NBAS: variants seen among roughly 807,000 people sequenced by gnomAD.
NBAS encodes NAG/BC035112 fusion.
Under a neutral mutation model 302.5 loss-of-function variants are expected in NBAS, and 219 were observed. The observed-to-expected ratio is 0.72, with a 90% CI of 0.65 to 0.81. NBAS has a LOEUF of 0.81. Ranked by LOEUF, NBAS falls within the 30% of genes least tolerant of loss-of-function variation. The pLI is 0.00. For synonymous variants in NBAS, 1,118 were observed against 1,021.6 expected (o/e 1.09, Z -1.80); for missense variants, 2,932 against 2,841.6 (o/e 1.03, Z -0.72).
chr2:15,182,195 AG>A (rs1664858365), intron 50 of NBAS, among the ~76,000 whole-genome samples: 1 of 152,198 alleles, frequency 6.6e-6, no homozygotes, highest in Non-Finnish European at 1.5e-5. Flanking sequence ...CTCGACCTCC[AG>A]GGCACTAGCC....
chr2:15,167,399 A>G (rs1664080768), intron 51 of NBAS, 76 bp from the exon 52 acceptor site: 1 of 1,552,278 alleles, frequency 6.4e-7, no homozygotes, highest in African/African-American at 1.4e-5. Flanking sequence ...CTCGCTCTCC[A>G]CTGGGCTGCC....
chr2:14,804,774 T>C, the NBAS span, among the ~76,000 whole-genome samples: 7 of 152,170 alleles, frequency 4.6e-5, no homozygotes, highest in Non-Finnish European at 1.0e-4. Flanking sequence ...TTCAGATAGG[T>C]GTATGTAATA....
the NBAS span, among the ~76,000 whole-genome samples, chr2:15,051,870 T>C: frequency 6.6e-6 from 1 of 152,190 alleles, no homozygotes; most frequent in Non-Finnish European, 1.5e-5. Flanking sequence ...GTTCTTTCTC[T>C]AGTCTCAGAA....
chr2:14,947,667 T>G, the NBAS span, among the ~76,000 whole-genome samples: 1 of 152,122 alleles, frequency 6.6e-6, no homozygotes, highest in African/African-American at 2.4e-5. Flanking sequence ...TCCAGTACTA[T>G]GTTGAACACA....
the NBAS span, among the ~76,000 whole-genome samples, chr2:15,122,238 A>C: frequency 6.6e-6 from 1 of 152,084 alleles, no homozygotes; most frequent in African/African-American, 2.4e-5. Context: ...TAGGCTTCAC[A>C]GAAAGGTGCA....
At chr2:15,091,004 C>A in the NBAS span, among the ~76,000 whole-genome samples, 5 of 152,170 alleles carry the variant, frequency 3.3e-5, no homozygotes, top group Non-Finnish European at 7.3e-5. Flanking sequence ...TCAAAACATA[C>A]CCCAAGCCCT....
At chr2:14,826,357 A>G in the NBAS span, among the ~76,000 whole-genome samples, 3 of 152,248 alleles carry the variant, frequency 2.0e-5, no homozygotes, top group African/African-American at 7.2e-5. Context: ...GACTTTTATA[A>G]CAAAATAAAT....
the NBAS span, among the ~76,000 whole-genome samples, chr2:15,011,916 T>C: frequency 1.2e-4 from 18 of 152,126 alleles, no homozygotes; most frequent in African/African-American, 4.3e-4. Flanking sequence ...TCTATATGAA[T>C]GAGTATTTTC....
the NBAS span, among the ~76,000 whole-genome samples, chr2:15,156,213 A>G: frequency 6.6e-6 from 1 of 152,194 alleles, no homozygotes; most frequent in Non-Finnish European, 1.5e-5. Flanking sequence ...TGCTGCAGCC[A>G]GGAATAGTAG....
intron 39 of NBAS, 43 bp downstream of exon 39, chr2:15,309,128 C>T (rs756661992): frequency 6.6e-7 from 1 of 1,506,484 alleles, no homozygotes; most frequent in South Asian, 1.1e-5. Flanking sequence ...ATACATTTTC[C>T]ATTTAGTCAT....
At chr2:15,388,565 CTGTT>C (rs60245233) in intron 28 of NBAS, among the ~76,000 whole-genome samples, 93,577 of 151,428 alleles carry the variant, frequency 0.62, 29,685 homozygotes, top group Middle Eastern at 0.68. Flanking sequence ...TTTTGAAAAA[CTGTT>C]TGGCAGAATC....
At chr2:15,309,383 AC>A (rs1671178048) in intron 38 of NBAS, 136 bp from the exon 39 acceptor site, 1 of 683,380 alleles carries the variant, frequency 1.5e-6, no homozygotes, top group East Asian at 3.1e-5. Context: ...GCTGTTCAGC[AC>A]CATCTAAAAA....
chr2:15,005,566 A>C, the NBAS span, among the ~76,000 whole-genome samples: 1 of 152,220 alleles, frequency 6.6e-6, no homozygotes, highest in Non-Finnish European at 1.5e-5. Context: ...TTCTGACTCA[A>C]GGGCAGAGGG....
At chr2:15,037,586 C>A in the NBAS span, among the ~76,000 whole-genome samples, 1 of 152,122 alleles carries the variant, frequency 6.6e-6, no homozygotes, top group Non-Finnish European at 1.5e-5. Context: ...ATTAAAATCA[C>A]ATTAAATTAA....
At chr2:15,468,113 A>G (rs992627672) in intron 17 of NBAS, among the ~76,000 whole-genome samples, 2 of 151,696 alleles carry the variant, frequency 1.3e-5, no homozygotes, top group African/African-American at 4.9e-5. Flanking sequence ...AGAGTTTGCT[A>G]TTTGAATCAC....
At chr2:15,288,478 C>G (rs944574791) in intron 41 of NBAS, among the ~76,000 whole-genome samples, 17 of 152,112 alleles carry the variant, frequency 1.1e-4, no homozygotes, top group African/African-American at 4.1e-4. Flanking sequence ...AAGCGAAGGT[C>G]AAAGTGAGGA....
At chr2:14,873,625 C>G in the NBAS span, among the ~76,000 whole-genome samples, 1 of 150,868 alleles carries the variant, frequency 6.6e-6, no homozygotes, top group Non-Finnish European at 1.5e-5. Flanking sequence ...TGTTCACCAA[C>G]CACAGCAGAA....
chr2:15,365,453 G>T (rs1016740449), intron 32 of NBAS, among the ~76,000 whole-genome samples: 3 of 152,170 alleles, frequency 2.0e-5, no homozygotes, highest in Admixed American at 6.5e-5. Context: ...GTGAAGAAAG[G>T]GGGTATCATT....
At chr2:14,825,422 C>T in the NBAS span, among the ~76,000 whole-genome samples, 1 of 152,226 alleles carries the variant, frequency 6.6e-6, no homozygotes, top group African/African-American at 2.4e-5. Context: ...GCCCCAGTGC[C>T]TTTCTCTAGA....
Sources: allele counts gnomAD v4.1 joint callset (sites outside exome capture counted in the v4.1 genomes callset), GRCh38; gene constraint gnomAD v4.1.1; transcripts MANE v1.5; gene names NCBI Gene and HGNC (gene_info 2026-07-23, HGNC 2026-07-21).